Variants in SCD5 observed in about 807,000 individuals in gnomAD.
SCD5 encodes the protein acyl-CoA-desaturase 4.
Under a neutral mutation model 30.4 loss-of-function variants are expected in SCD5, and 20 were observed. The ratio of observed to expected loss-of-function variants is 0.66; its 90% CI spans 0.46 to 0.96. SCD5 has a LOEUF of 0.96. Ranked by LOEUF, SCD5 falls within the 40% of genes least tolerant of loss-of-function variation. The pLI is 0.00. For synonymous variants in SCD5, 173 were observed against 176.4 expected, an observed-to-expected ratio of 0.98 and a Z score of 0.16; for missense variants, 381 against 443.3, an observed-to-expected ratio of 0.86 and a Z score of 1.26.
intron 4 of SCD5, among the ~76,000 whole-genome samples, chr4:82,634,931 C>T (rs917933259): frequency 3.9e-5 from 6 of 152,208 alleles, no homozygotes; most frequent in Non-Finnish European, 7.3e-5. Flanking sequence ...GCAGTTATTC[C>T]CTGGCTAAAT....
intron 1 of SCD5, among the ~76,000 whole-genome samples, chr4:82,750,480 T>C (rs1721078641): frequency 6.6e-6 from 1 of 152,148 alleles, no homozygotes; most frequent in Admixed American, 6.5e-5. Flanking sequence ...TTTGTAAAGA[T>C]TAAGAATGTA....
At chr4:82,650,227 A>G (rs1425613217) in intron 3 of SCD5, among the ~76,000 whole-genome samples, 1 of 152,206 alleles carries the variant, frequency 6.6e-6, no homozygotes, top group Non-Finnish European at 1.5e-5. Flanking sequence ...CATAGTCCTC[A>G]TGAAGCTTAT....
chr4:82,777,733 A>C (rs1290586224), intron 1 of SCD5, among the ~76,000 whole-genome samples: 1 of 152,158 alleles, frequency 6.6e-6, no homozygotes, highest in African/African-American at 2.4e-5. Flanking sequence ...CCCCATTCCC[A>C]ACCATGGGGC....
chr4:82,655,480 G>A (rs6822383), intron 3 of SCD5, among the ~76,000 whole-genome samples: 144,995 of 152,318 alleles, frequency 0.95, 69,111 homozygotes, highest in East Asian at 1. Context: ...ATCACCAGTT[G>A]CAAAAGTATA....
chr4:82,643,235 A>G (rs1199617997), intron 3 of SCD5, among the ~76,000 whole-genome samples: 1 of 142,990 alleles, frequency 7.0e-6, no homozygotes, highest in Non-Finnish European at 1.5e-5. Context: ...TCAAGTTATC[A>G]TATGACCCAG....
intron 1 of SCD5, chr4:82,776,216 G>T (rs1721741547): frequency 6.6e-6 from 1 of 152,200 alleles, no homozygotes; most frequent in Admixed American, 6.5e-5. Flanking sequence ...TGGGGAGTTT[G>T]TGTGTCTGTT....
intron 1 of SCD5, among the ~76,000 whole-genome samples, chr4:82,727,719 T>C (rs1000533776): frequency 6.6e-6 from 1 of 152,174 alleles, no homozygotes; most frequent in African/African-American, 2.4e-5. Context: ...TTCATTTTTG[T>C]TTTTTGAGAC....
chr4:82,690,591 T>C (rs1395369), intron 2 of SCD5, among the ~76,000 whole-genome samples: 100,985 of 151,982 alleles, frequency 0.66, 34,123 homozygotes, highest in Middle Eastern at 0.74. Flanking sequence ...AATTTTCCTC[T>C]CCACAATACA....
At chr4:82,695,741 G>C in intron 2 of SCD5, among the ~76,000 whole-genome samples, 1 of 152,120 alleles carries the variant, frequency 6.6e-6, no homozygotes, top group Non-Finnish European at 1.5e-5. Context: ...TATACAGTAT[G>C]TTCTAATCAT....
intron 2 of SCD5, among the ~76,000 whole-genome samples, chr4:82,682,441 G>A (rs1299148233): frequency 6.6e-6 from 1 of 152,012 alleles, no homozygotes; most frequent in South Asian, 2.1e-4. Context: ...TTGAGAAGAT[G>A]AATTAAATTG....
At chr4:82,738,227 A>G (rs2148837974) in intron 1 of SCD5, among the ~76,000 whole-genome samples, 1 of 152,282 alleles carries the variant, frequency 6.6e-6, no homozygotes, top group Admixed American at 6.5e-5. Context: ...GAGACTGACC[A>G]TCCTGGCCAA....
chr4:82,759,536 T>G (rs1300252650), intron 1 of SCD5, among the ~76,000 whole-genome samples: 1 of 151,868 alleles, frequency 6.6e-6, no homozygotes, highest in Non-Finnish European at 1.5e-5. Context: ...TCAGGATCAT[T>G]TCAGCTGGGC....
chr4:82,670,009 A>C (rs962851119), intron 3 of SCD5, among the ~76,000 whole-genome samples: 1 of 152,174 alleles, frequency 6.6e-6, no homozygotes, highest in African/African-American at 2.4e-5. Context: ...AGGCTCTAGA[A>C]TGTATCTCCT....
At chr4:82,687,884 A>G (rs1240104926) in intron 2 of SCD5, among the ~76,000 whole-genome samples, 1 of 152,238 alleles carries the variant, frequency 6.6e-6, no homozygotes, top group Non-Finnish European at 1.5e-5. Flanking sequence ...CTAGTCATCT[A>G]AATGGCAACA....
At chr4:82,748,522 C>T (rs1382525345) in intron 1 of SCD5, among the ~76,000 whole-genome samples, 1 of 152,070 alleles carries the variant, frequency 6.6e-6, no homozygotes, top group East Asian at 1.9e-4. Flanking sequence ...TAACACCTGC[C>T]CAGCTGAGAC....
At chr4:82,760,439 C>T (rs1322172795) in intron 1 of SCD5, among the ~76,000 whole-genome samples, 2 of 152,154 alleles carry the variant, frequency 1.3e-5, no homozygotes, top group African/African-American at 4.8e-5. Context: ...CTCTGTTGCC[C>T]AGGCTGAAAT....
Position 82,630,619 on chromosome 4 carries a change from T to C in SCD5, c.*708A>G, listed in dbSNP as rs1307556610. On this transcript the variant is annotated 3_prime_UTR_variant, in exon 5 of 5. Coordinates refer to ENST00000319540, the MANE Select transcript of SCD5 (RefSeq NM_001037582.3). ...TTTTAGCTATAGCGATTAAATCACA[T>C]GTCCACACTCTAATGTTAAATCGTA... 1.3e-5 allele frequency: 2 copies of C among 152,236 alleles called. No homozygotes were observed. Among genetic ancestry groups the C allele is most frequent in the Non-Finnish European group, 2.9e-5 (2 of 68,046 alleles). The allele number at this position is 152,236 out of a possible 1,614,324, so 9.4% of individuals were successfully genotyped here. A position where few individuals can be genotyped will look rare whatever the true frequency, so the allele number is the denominator to read the frequency against.
chr4:82,644,034 T>C (rs1727594003), intron 3 of SCD5, among the ~76,000 whole-genome samples: 1 of 152,208 alleles, frequency 6.6e-6, no homozygotes, highest in African/African-American at 2.4e-5. Flanking sequence ...GTCAAGATGT[T>C]CTGTAGAGTA....
chr4:82,694,489 T>C (rs1719651240), intron 2 of SCD5, among the ~76,000 whole-genome samples: 1 of 152,222 alleles, frequency 6.6e-6, no homozygotes, highest in Admixed American at 6.5e-5. Context: ...GAGGATCTTG[T>C]TCTTAGACCT....
Sources: gnomAD v4.1 joint callset for allele counts (sites outside exome capture counted in the v4.1 genomes callset) on GRCh38, gnomAD v4.1.1 for gene constraint, MANE v1.5 for transcripts, NCBI Gene and HGNC (gene_info 2026-07-23, HGNC 2026-07-21) for gene names.